Variants in ZNF529 observed in about 807,000 individuals in gnomAD.
ZNF529 encodes the protein zinc finger protein 529.
A neutral mutation model predicts 10.1 loss-of-function variants in ZNF529; 11 were observed. The observed-to-expected ratio is 1.09, with a 90% CI of 0.69 to 1.81. The LOEUF (loss-of-function observed/expected upper bound fraction) is 1.81. Among genes scored for constraint, ZNF529 ranks in the 40% most tolerant of loss-of-function variants. The pLI, the probability that ZNF529 is intolerant of heterozygous loss-of-function variation, is 0.00. For missense variants in ZNF529, 624 were observed against 666.8 expected (o/e 0.94, Z 0.71); for synonymous variants, 204 against 215.7 (o/e 0.95, Z 0.47).
chr19:36,571,228 C>T, intron 2 of ZNF529, among the ~76,000 whole-genome samples: 1 of 152,062 alleles, frequency 6.6e-6, no homozygotes, highest in South Asian at 2.1e-4. Flanking sequence ...AACAATAAAA[C>T]ATATACCAGA....
intron 2 of ZNF529, 63 bp downstream of exon 2, chr19:36,572,270 C>T: frequency 6.5e-7 from 1 of 1,537,732 alleles, no homozygotes; most frequent in Non-Finnish European, 8.8e-7. Flanking sequence ...TCTCTACGGT[C>T]CTGTTGTTAA....
upstream of ZNF529, among the ~76,000 whole-genome samples, chr19:36,578,134 G>A (rs181678196): frequency 8.4e-5 from 11 of 131,004 alleles, no homozygotes; most frequent in Non-Finnish European, 1.2e-4. Flanking sequence ...GTGCTATCTC[G>A]GCTCACTGCA....
At chr19:36,602,044 A>G (rs549320871) in intron 1 of ZNF529, among the ~76,000 whole-genome samples, 60 of 114,888 alleles carry the variant, frequency 5.2e-4, no homozygotes, top group Admixed American at 1.6e-3. Context: ...CTGCACCTGA[A>G]CGCTACAATT....
chr19:36,600,034 A>G (rs2967454), intron 1 of ZNF529, among the ~76,000 whole-genome samples: 3,866 of 152,040 alleles, frequency 0.025, 157 homozygotes, highest in African/African-American at 0.088. Context: ...GTGCCCAGCT[A>G]ATTATTCCAT....
chr19:36,570,194 A>G (rs1427544100), intron 2 of ZNF529, among the ~76,000 whole-genome samples: 1 of 151,778 alleles, frequency 6.6e-6, no homozygotes. Context: ...AACCCCATCT[A>G]TACAAATAAT....
At chr19:36,587,473 A>G (rs1025823471) in intron 2 of ZNF529, 3 of 152,188 alleles carry the variant, frequency 2.0e-5, no homozygotes, top group African/African-American at 4.8e-5. Context: ...ATGGTTAAAC[A>G]TAATGTTAGC....
intron 2 of ZNF529, among the ~76,000 whole-genome samples, chr19:36,570,166 G>A (rs530984546): frequency 6.6e-6 from 1 of 152,062 alleles, no homozygotes; most frequent in East Asian, 1.9e-4. Flanking sequence ...TTCAAGATCA[G>A]CTTGGGCAAC....
intron 2 of ZNF529, chr19:36,580,341 T>C (rs1348805271): frequency 7.5e-6 from 1 of 132,576 alleles, no homozygotes; most frequent in African/African-American, 3.2e-5. Flanking sequence ...AAACTAGTAA[T>C]GTAATCACTT....
At chr19:36,551,863 A>C (rs1281122971) in intron 4 of ZNF529, 1 of 152,138 alleles carries the variant, frequency 6.6e-6, no homozygotes, top group Non-Finnish European at 1.5e-5. Context: ...TATGTTCTCT[A>C]CTTATCTGTT....
intron 2 of ZNF529, among the ~76,000 whole-genome samples, chr19:36,567,033 A>C (rs911856209): frequency 2.0e-5 from 3 of 152,022 alleles, no homozygotes; most frequent in Admixed American, 2.0e-4. Context: ...AAAAAAATTC[A>C]TATGACATTG....
chr19:36,563,330 G>A (rs1157298734), intron 2 of ZNF529, among the ~76,000 whole-genome samples: 1 of 151,874 alleles, frequency 6.6e-6, no homozygotes, highest in Non-Finnish European at 1.5e-5. Flanking sequence ...GGCTGAGGCA[G>A]GAAAATCGCG....
rs546205577 is a variant in ZNF529, at chr19:36,588,815, G to A, written c.-41+800C>T. Among the ~76,000 whole-genome samples, 36 of 152,190 alleles carry A rather than the reference G, an allele frequency of 2.4e-4. No homozygotes were observed. The East Asian group carries it at 5.0e-3, about 21-fold the overall frequency. Reference sequence around the variant, plus strand: ...GCCCCTTCCCCATAACTTGCCCAACGAATCTCTTCAACTGTATCCTTTGTA... The same window carrying A: ...GCCCCTTCCCCATAACTTGCCCAACAAATCTCTTCAACTGTATCCTTTGTA... On this transcript the variant is annotated intron_variant, in intron 2 of 4. Transcript: ENST00000585960.
chr19:36,561,147 C>T (rs926714116), intron 2 of ZNF529, among the ~76,000 whole-genome samples: 15 of 152,080 alleles, frequency 9.9e-5, no homozygotes, highest in African/African-American at 3.4e-4. Context: ...CAGGGAAGGG[C>T]GTAGAACACT....
At chr19:36,570,380 AAG>A (rs2036059498) in intron 2 of ZNF529, among the ~76,000 whole-genome samples, 2 of 149,108 alleles carry the variant, frequency 1.3e-5, no homozygotes, top group South Asian at 4.2e-4. Context: ...AAAAAAAAAA[AAG>A]AAAAGAAAAA....
At position 36,546,057 on chromosome 19, in the gene ZNF529, G is replaced by GTATATATATATATA. The variant is rs1379704584; in HGVS notation, c.*808_*809insTATATATATATATA. The GTATATATATATATA allele has an allele frequency of 1.1e-4, 9 of 79,332 alleles. No homozygotes were observed. The East Asian group carries it at 2.1e-3, about 18-fold the overall frequency. 4.9% of individuals were successfully genotyped at this position (79,332 alleles called of 1,614,324 possible). On this transcript the variant is annotated 3_prime_UTR_variant, in exon 5 of 5. Transcript: ENST00000591340. The stretch of plus-strand genomic sequence containing the variant: ...ATATATACATATATTGTGTGTGTGT[G>GTATATATATATATA]TGTGTATATATATATATATATATAG...
At chr19:36,571,881 T>G (rs2036128776) in intron 2 of ZNF529, among the ~76,000 whole-genome samples, 1 of 151,318 alleles carries the variant, frequency 6.6e-6, no homozygotes, top group Non-Finnish European at 1.5e-5. Flanking sequence ...CTGGAAAAAC[T>G]CCCTGCCCTT....
chr19:36,599,536 CAAG>C (rs980553966), intron 1 of ZNF529, among the ~76,000 whole-genome samples: 7 of 151,992 alleles, frequency 4.6e-5, no homozygotes, highest in South Asian at 2.1e-4. Context: ...CTGAAAAAAA[CAAG>C]AACATATTAA....
At chr19:36,578,971 C>G (rs1317217538) in intron 2 of ZNF529, among the ~76,000 whole-genome samples, 1 of 151,494 alleles carries the variant, frequency 6.6e-6, no homozygotes, top group Non-Finnish European at 1.5e-5. Flanking sequence ...CTTGGGGAGG[C>G]CGAGGCGGGT....
At chr19:36,591,874 G>A (rs994086980) in intron 1 of ZNF529, among the ~76,000 whole-genome samples, 1 of 152,110 alleles carries the variant, frequency 6.6e-6, no homozygotes, top group African/African-American at 2.4e-5. Flanking sequence ...GGAGAGGACA[G>A]TTCATTTTTT....
Sources: gnomAD v4.1 joint callset for allele counts (sites outside exome capture counted in the v4.1 genomes callset) on GRCh38, gnomAD v4.1.1 for gene constraint, MANE v1.5 for transcripts, NCBI Gene and HGNC (gene_info 2026-07-23, HGNC 2026-07-21) for gene names.